Variants in MORC1 observed in about 807,000 individuals in gnomAD.
The protein encoded by MORC1 is MORC family CW-type zinc finger protein 1.
Under a neutral mutation model 134.9 loss-of-function variants are expected in MORC1, and 59 were observed. The ratio of observed to expected loss-of-function variants is 0.44; its 90% CI spans 0.35 to 0.54. The LOEUF is 0.54. Ranked by LOEUF, MORC1 falls within the 20% of genes least tolerant of loss-of-function variation. The probability of loss-of-function intolerance (pLI) is 0.00; values close to 1 mark genes in which losing one functional copy is unlikely to be tolerated. For synonymous variants in MORC1, 395 were observed against 391.7 expected (o/e 1.01, Z -0.10); for missense variants, 947 against 1,134.5 (o/e 0.83, Z 2.37).
At chr3:108,982,506 C>T (rs992254880) in intron 23 of MORC1, among the ~76,000 whole-genome samples, 3 of 148,082 alleles carry the variant, frequency 2.0e-5, no homozygotes, top group African/African-American at 5.1e-5. Context: ...CATGTTCTCA[C>T]TCATAGGTGG....
intron 8 of MORC1, among the ~76,000 whole-genome samples, chr3:109,070,091 A>C: frequency 6.6e-6 from 1 of 152,226 alleles, no homozygotes; most frequent in East Asian, 1.9e-4. Flanking sequence ...AAGTCAAGTC[A>C]AATCAACAAA....
At chr3:109,040,950 G>C (rs1433331774) in intron 14 of MORC1, among the ~76,000 whole-genome samples, 2 of 151,800 alleles carry the variant, frequency 1.3e-5, no homozygotes, top group Admixed American at 6.6e-5. Context: ...AAATTATGGA[G>C]CTGAAAAAAT....
At chr3:109,107,139 C>T (rs557740700) in intron 3 of MORC1, among the ~76,000 whole-genome samples, 1 of 152,324 alleles carries the variant, frequency 6.6e-6, no homozygotes, top group Admixed American at 6.5e-5. Flanking sequence ...ACGCTTCACT[C>T]ACCAGGCGAA....
intron 26 of MORC1, among the ~76,000 whole-genome samples, chr3:108,965,786 G>C (rs1947204247): frequency 6.6e-6 from 1 of 151,940 alleles, no homozygotes; most frequent in African/African-American, 2.4e-5. Flanking sequence ...AACTTCCTAT[G>C]AATCTATAAT....
chr3:109,106,307 T>C (rs1951034499), intron 3 of MORC1, among the ~76,000 whole-genome samples: 1 of 152,186 alleles, frequency 6.6e-6, no homozygotes, highest in African/African-American at 2.4e-5. Context: ...AGAAGGGTAT[T>C]CCTTCAGTAA....
At chr3:108,960,517 C>T (rs1947052675) in intron 27 of MORC1, among the ~76,000 whole-genome samples, 1 of 152,186 alleles carries the variant, frequency 6.6e-6, no homozygotes, top group Admixed American at 6.5e-5. Context: ...CGGTCAAGAG[C>T]AAAGGTCATG....
At chr3:109,095,289 G>C (rs1395339697) in intron 6 of MORC1, among the ~76,000 whole-genome samples, 2 of 152,168 alleles carry the variant, frequency 1.3e-5, no homozygotes, top group Admixed American at 6.5e-5. Context: ...GGAACAGATG[G>C]AGTGTACTTC....
chr3:108,976,621 AT>A (rs1486285981), intron 24 of MORC1, among the ~76,000 whole-genome samples: 1 of 152,184 alleles, frequency 6.6e-6, no homozygotes, highest in African/African-American at 2.4e-5. Flanking sequence ...CAAGGAGCTC[AT>A]TTTGTTTCAG....
At chr3:108,987,157 T>C (rs1947916520) in intron 21 of MORC1, among the ~76,000 whole-genome samples, 1 of 152,206 alleles carries the variant, frequency 6.6e-6, no homozygotes, top group African/African-American at 2.4e-5. Context: ...ATTATCATAG[T>C]CATGTTTACT....
intron 15 of MORC1, among the ~76,000 whole-genome samples, chr3:109,033,968 A>G (rs560945204): frequency 4.6e-5 from 7 of 152,310 alleles, no homozygotes; most frequent in African/African-American, 1.7e-4. Flanking sequence ...AGTACCTGGT[A>G]CAAATCAAAA....
intron 7 of MORC1, 103 bp downstream of exon 7, chr3:109,094,806 G>A: frequency 9.0e-7 from 1 of 1,108,962 alleles, no homozygotes. Flanking sequence ...GAATCCACAT[G>A]AGATTATAAG....
In MORC1 at chr3:109,005,137, A is replaced by G; in HGVS notation, c.1946T>C (p.Met649Thr). The G allele has an allele frequency of 1.2e-6, 2 of 1,613,814 alleles. No homozygotes were observed. The highest frequency in any genetic ancestry group is 1.7e-6 in the Non-Finnish European group (2 of 1,179,918). ...TGGAATTCTCTGCTGTTGAGAGTTC[A>G]TTTTCTCCTCCATAGACTTTTTCAT... ...KIMKKSMEEK[M>T]NSQQQRIPVA... Residue 649 changes from methionine (M) to threonine (T), a missense_variant, in exon 19 of 28, where the codon ATG becomes ACG. Met to Thr is a moderately conservative substitution (Grantham distance 81). This residue lies in a region of MORC1 where 722 missense variants were observed against 817.0 expected (regional missense o/e 0.88). Coordinates refer to ENST00000232603, the MANE Select transcript of MORC1 (RefSeq NM_014429.4).
chr3:108,975,139 G>A (rs1947514183), intron 24 of MORC1, among the ~76,000 whole-genome samples: 1 of 152,152 alleles, frequency 6.6e-6, no homozygotes, highest in Non-Finnish European at 1.5e-5. Context: ...GAGTTACCTG[G>A]TCATCCAGCT....
chr3:109,084,186 G>A (rs913600557), intron 8 of MORC1, among the ~76,000 whole-genome samples: 4 of 152,068 alleles, frequency 2.6e-5, no homozygotes, highest in Admixed American at 2.6e-4. Context: ...GAAATATGGG[G>A]CATTCAAACC....
At chr3:108,979,142 C>G (rs1947642243) in intron 24 of MORC1, among the ~76,000 whole-genome samples, 1 of 152,098 alleles carries the variant, frequency 6.6e-6, no homozygotes, top group Admixed American at 6.6e-5. Flanking sequence ...CTCAATTTCC[C>G]TCAATAAGTT....
In MORC1 at chr3:109,069,642, A is replaced by T; in HGVS notation, c.805T>A (p.Tyr269Asn). 1 of 1,600,258 alleles carries T rather than the reference A, an allele frequency of 6.2e-7. No homozygotes were observed. The change falls in exon 9 of 28, where the codon TAC becomes AAC. Residue 269 changes from tyrosine to asparagine, a missense_variant. Tyr to Asn is a moderately radical substitution (Grantham distance 143). This residue lies in a region of MORC1 where 722 missense variants were observed against 817.0 expected (regional missense o/e 0.88). Coordinates refer to ENST00000232603, the MANE Select transcript of MORC1 (RefSeq NM_014429.4). ...VKTKHLCYCL[Y>N]RPRKYLYVTS... ...AGAAAGATGAGTTACCTGGGTCTGT[A>T]GAGGCAATAGCAAAGATGTTTAGTT...
chr3:109,018,142 A>C (rs547030200), intron 17 of MORC1, among the ~76,000 whole-genome samples: 2 of 152,248 alleles, frequency 1.3e-5, no homozygotes, highest in Admixed American at 6.5e-5. Flanking sequence ...AGACAGTCCC[A>C]TAATCTTAGA....
rs148624213 is a variant in MORC1 at position 109,082,048 on chromosome 3, G to A, written c.689+11388C>T. On this transcript the variant is annotated intron_variant, in intron 8 of 27. Coordinates refer to ENST00000232603, the MANE Select transcript of MORC1 (RefSeq NM_014429.4). ...AGACAAATCAAGTGGCCGTTCAGCA[G>A]CATCACACTGCAGGAAGTATGTTCC... Among the ~76,000 whole-genome samples the A allele has an allele frequency of 2.7e-3, 411 of 152,172 alleles. 9 individuals are homozygous for A. Among genetic ancestry groups the A allele is most frequent in the Admixed American group, 0.023 (344 of 15,280 alleles).
intron 6 of MORC1, among the ~76,000 whole-genome samples, chr3:109,098,245 C>T (rs543902930): frequency 6.6e-6 from 1 of 151,902 alleles, no homozygotes; most frequent in East Asian, 1.9e-4. Context: ...GAGGTTGTCT[C>T]TGTGGAAGTA....
Sources: gnomAD v4.1 joint callset for allele counts (sites outside exome capture counted in the v4.1 genomes callset) on GRCh38, gnomAD v4.1.1 for gene constraint, gnomAD v4.1.1 regional missense constraint, MANE v1.5 for transcripts, NCBI Gene and HGNC (gene_info 2026-07-23, HGNC 2026-07-21) for gene names.